The following DOCK7 variants were observed in gnomAD, a reference collection of about 807,000 sequenced individuals.
The protein encoded by DOCK7 is dedicator of cytokinesis 7, also known as dedicator of cytokinesis protein 7.
A neutral mutation model predicts 271.0 loss-of-function variants in DOCK7; 138 were observed. The observed-to-expected ratio is 0.51, with a 90% CI of 0.44 to 0.59. The LOEUF (loss-of-function observed/expected upper bound fraction) is 0.59. DOCK7 is among the 20% of genes least tolerant of loss of function. The pLI, the probability that DOCK7 is intolerant of heterozygous loss-of-function variation, is 0.00. For synonymous variants in DOCK7, 823 were observed against 876.1 expected, an observed-to-expected ratio of 0.94 and a Z score of 1.07; for missense variants, 2,066 against 2,592.4, an observed-to-expected ratio of 0.80 and a Z score of 4.41.
chr1:62,573,905 T>C (rs1223383961), intron 18 of DOCK7, among the ~76,000 whole-genome samples: 2 of 152,138 alleles, frequency 1.3e-5, no homozygotes, highest in East Asian at 3.9e-4. Flanking sequence ...ACTGGGATTA[T>C]AGGTATGAGT....
intron 24 of DOCK7, 123 bp downstream of exon 24, chr1:62,543,533 T>C (rs1303635868): frequency 6.4e-6 from 4 of 623,496 alleles, no homozygotes; most frequent in Non-Finnish European, 1.1e-5. Flanking sequence ...CTTGTTCAGA[T>C]ATATTTTTAA....
At chr1:62,473,363 A>C (rs1164446113) in intron 48 of DOCK7, among the ~76,000 whole-genome samples, 1 of 152,182 alleles carries the variant, frequency 6.6e-6, no homozygotes, top group Non-Finnish European at 1.5e-5. Context: ...CAAATACTGA[A>C]GATTCACAAC....
rs377084208 is a variant in DOCK7, at chr1:62,523,845, T to TGACA, written c.3936+4302_3936+4305dup. ...TTGTGCCATTGCACTCCAGCCTGGG[T>TGACA]GACAGAGCAAGACTCTGTCTCCAAG... On this transcript the variant is annotated intron_variant, in intron 31 of 49. Coordinates refer to ENST00000635253, the MANE Select transcript of DOCK7 (RefSeq NM_001367561.1). Among the ~76,000 whole-genome samples, 240 of 152,172 alleles carry TGACA rather than the reference T, an allele frequency of 1.6e-3. 4 individuals are homozygous for TGACA. Among genetic ancestry groups the TGACA allele is most frequent in the African/African-American group, 5.4e-3 (223 of 41,518 alleles).
chr1:62,565,499 A>G (rs958958365), intron 18 of DOCK7, among the ~76,000 whole-genome samples: 2 of 152,200 alleles, frequency 1.3e-5, no homozygotes, highest in African/African-American at 4.8e-5. Flanking sequence ...GGCCTTCAAC[A>G]AAATTCAACA....
intron 14 of DOCK7, chr1:62,605,724 A>T (rs1315611306): frequency 1.3e-5 from 2 of 152,414 alleles, no homozygotes; most frequent in Non-Finnish European, 2.9e-5. Context: ...CTGAACGTTT[A>T]AACAGCCTGA....
intron 2 of DOCK7, among the ~76,000 whole-genome samples, chr1:62,662,771 GA>G (rs1287803586): frequency 6.6e-6 from 1 of 151,478 alleles, no homozygotes; most frequent in African/African-American, 2.4e-5. Context: ...AAAAAAAGAA[GA>G]AAAAAAAGTT....
At chr1:62,670,405 T>C (rs1372047954) in intron 1 of DOCK7, among the ~76,000 whole-genome samples, 3 of 146,268 alleles carry the variant, frequency 2.1e-5, no homozygotes, top group East Asian at 2.1e-4. Context: ...GGATTGTAAA[T>C]ACACCAATCA....
At chr1:62,511,680 C>T (rs1644488607) in intron 33 of DOCK7, among the ~76,000 whole-genome samples, 1 of 152,022 alleles carries the variant, frequency 6.6e-6, no homozygotes, top group Non-Finnish European at 1.5e-5. Context: ...CTTCTAATTT[C>T]TTTCCCTTTT....
intron 26 of DOCK7, 38 bp from the exon 27 acceptor site, chr1:62,539,696 A>G (rs1360724973): frequency 6.2e-7 from 1 of 1,611,148 alleles, no homozygotes; most frequent in Non-Finnish European, 8.5e-7. Flanking sequence ...AAATTAAAGT[A>G]TGATAGCTTA....
At chr1:62,653,041 T>C (rs1214487665) in intron 4 of DOCK7, among the ~76,000 whole-genome samples, 1 of 152,214 alleles carries the variant, frequency 6.6e-6, no homozygotes, top group Non-Finnish European at 1.5e-5. Flanking sequence ...TTGTGAAAAC[T>C]ATAATGCCGT....
intron 14 of DOCK7, among the ~76,000 whole-genome samples, chr1:62,592,862 C>T (rs572424994): frequency 4.6e-5 from 7 of 152,218 alleles, no homozygotes; most frequent in East Asian, 3.9e-4. Context: ...CAAAAGCAAT[C>T]GTAAGTTACA....
intron 31 of DOCK7, among the ~76,000 whole-genome samples, chr1:62,525,346 T>C (rs1323425729): frequency 1.3e-5 from 2 of 152,094 alleles, no homozygotes; most frequent in Admixed American, 1.3e-4. Context: ...TGCAATTATA[T>C]CATCAATCAG....
Position 62,457,624 on chromosome 1 carries a change from A to G in DOCK7, c.6294T>C (p.Tyr2098=), listed in dbSNP as rs1645384072. Residue 2098 remains tyrosine, a synonymous_variant, in exon 49 of 50, where the codon TAT becomes TAC. Coordinates refer to ENST00000635253, the MANE Select transcript of DOCK7 (RefSeq NM_001367561.1). ...KEYQRELERN[Y]HRLKEALQPL... Reference sequence around the variant, plus strand: ...GCTGTAGGGCCTCTTTAAGGCGATGATAGTTTCTCTCCAGTTCCCTTTGAT... The same window carrying G: ...GCTGTAGGGCCTCTTTAAGGCGATGGTAGTTTCTCTCCAGTTCCCTTTGAT... 1.9e-6 allele frequency: 3 copies of G among 1,614,158 alleles called. No homozygotes were observed. Among genetic ancestry groups the G allele is most frequent in the African/African-American group, 2.7e-5 (2 of 75,038 alleles).
At chr1:62,528,391 TA>T in intron 30 of DOCK7, 86 bp from the exon 31 acceptor site, 3 of 1,279,518 alleles carry the variant, frequency 2.3e-6, no homozygotes, top group Admixed American at 5.2e-5. Flanking sequence ...TTTAAAAGAA[TA>T]ACTTGTTGAC....
intron 34 of DOCK7, among the ~76,000 whole-genome samples, chr1:62,510,211 AATTAT>A (rs560151758): frequency 3.9e-5 from 6 of 152,168 alleles, no homozygotes; most frequent in Non-Finnish European, 7.3e-5. Flanking sequence ...GTCTTTCTTG[AATTAT>A]ATTATAAGCT....
intron 49 of DOCK7, among the ~76,000 whole-genome samples, chr1:62,456,749 AGC>A (rs1645359853): frequency 6.6e-6 from 1 of 152,120 alleles, no homozygotes; most frequent in Admixed American, 6.6e-5. Context: ...TCAGGGACCC[AGC>A]ACCCTGGCTC....
At chr1:62,565,356 T>A (rs1445251599) in intron 18 of DOCK7, among the ~76,000 whole-genome samples, 1 of 152,134 alleles carries the variant, frequency 6.6e-6, no homozygotes, top group Non-Finnish European at 1.5e-5. Flanking sequence ...AAAAAGCTTA[T>A]CCACCACGAT....
At chr1:62,637,342 G>A (rs1655403273) in intron 7 of DOCK7, among the ~76,000 whole-genome samples, 1 of 152,056 alleles carries the variant, frequency 6.6e-6, no homozygotes, top group Non-Finnish European at 1.5e-5. Flanking sequence ...GTAAATATTT[G>A]TTGAATGAAA....
At chr1:62,582,013 T>C (rs1025587201) in intron 16 of DOCK7, among the ~76,000 whole-genome samples, 1 of 152,096 alleles carries the variant, frequency 6.6e-6, no homozygotes, top group Non-Finnish European at 1.5e-5. Context: ...AAAGGATCAT[T>C]TGAAAGCAGA....
Sources: allele counts gnomAD v4.1 joint callset (sites outside exome capture counted in the v4.1 genomes callset), GRCh38; gene constraint gnomAD v4.1.1; transcripts MANE v1.5; gene names NCBI Gene and HGNC (gene_info 2026-07-23, HGNC 2026-07-21).